HMBOX1: variants seen among roughly 807,000 people sequenced by gnomAD.
HMBOX1 encodes homeobox containing 1.
HMBOX1 carries 14 observed loss-of-function variants against 54.5 expected under a neutral mutation model. The observed-to-expected ratio is 0.26, with a 90% CI of 0.17 to 0.40. The LOEUF is 0.40. Ranked by LOEUF, HMBOX1 falls within the 10% of genes least tolerant of loss-of-function variation. The pLI, the probability that HMBOX1 is intolerant of heterozygous loss-of-function variation, is 1.00. For synonymous variants in HMBOX1, 160 were observed against 181.0 expected (o/e 0.88, Z 0.93); for missense variants, 332 against 514.4 (o/e 0.65, Z 3.43).
intron 1 of HMBOX1, among the ~76,000 whole-genome samples, chr8:28,915,173 A>G (rs890660283): frequency 6.6e-6 from 1 of 152,198 alleles, no homozygotes; most frequent in Non-Finnish European, 1.5e-5. Flanking sequence ...TCCAATAGGA[A>G]TATAATGCCT....
rs181430558 is a variant in HMBOX1 at position 28,981,121 on chromosome 8, G to A, written c.586+965G>A. 2.0e-3 allele frequency among the ~76,000 whole-genome samples: 301 copies of A among 152,230 alleles called. 3 individuals carry two copies. The highest frequency in any genetic ancestry group is 3.4e-3 in the Middle Eastern group (1 of 294). On this transcript the variant is annotated intron_variant, in intron 4 of 9. Coordinates refer to ENST00000287701, the MANE Select transcript of HMBOX1 (RefSeq NM_001135726.3). ...ATACTGAAGCTAATTTACCTAAAAG[G>A]TTGTTACTGGCCATTAATTTGGTTA...
At chr8:28,971,008 A>G (rs889629308) in intron 3 of HMBOX1, among the ~76,000 whole-genome samples, 2 of 150,678 alleles carry the variant, frequency 1.3e-5, no homozygotes, top group African/African-American at 4.9e-5. Flanking sequence ...ACACACACAC[A>G]CACACACACA....
Position 28,934,968 on chromosome 8 carries a change from C to T in HMBOX1, c.-57-28843C>T, listed in dbSNP as rs116177107. 3.3e-3 allele frequency among the ~76,000 whole-genome samples: 492 copies of T among 151,026 alleles called. 7 individuals are homozygous for T. Among genetic ancestry groups the T allele is most frequent in the African/African-American group, 0.011 (459 of 41,216 alleles). On this transcript the variant is annotated intron_variant, in intron 1 of 9. Coordinates refer to ENST00000287701, the MANE Select transcript of HMBOX1 (RefSeq NM_001135726.3). Reference sequence around the variant, plus strand: ...ATCATAAATCATTTTTAGTTCTGTACACCGTTATATTAGAAATGAACAACT... The same window carrying T: ...ATCATAAATCATTTTTAGTTCTGTATACCGTTATATTAGAAATGAACAACT...
Position 29,051,123 on chromosome 8 carries a change from G to A in HMBOX1, c.1231G>A (p.Glu411Lys), listed in dbSNP as rs141568231. The change falls in exon 10 of 10, where the codon GAA (glutamate) becomes AAA (lysine). Residue 411 changes from glutamate to lysine, a missense_variant. Glu to Lys is a moderately conservative substitution (Grantham distance 56, BLOSUM62 1). Coordinates refer to ENST00000287701, the MANE Select transcript of HMBOX1 (RefSeq NM_001135726.3). ...ILALARQGAN[E>K]IKTEALDDD ...GGCATTGGCCCGACAAGGAGCCAAC[G>A]AAATCAAGACAGAGGCCCTGGATGA... The A allele has an allele frequency of 1.7e-5, 27 of 1,613,776 alleles. No individual in the cohort carries two copies. Among genetic ancestry groups the A allele is most frequent in the Non-Finnish European group, 2.1e-5 (25 of 1,180,008 alleles).
chr8:29,045,251 A>G, intron 6 of HMBOX1, 110 bp from the exon 7 acceptor site: 1 of 822,642 alleles, frequency 1.2e-6, no homozygotes, highest in East Asian at 2.5e-5. Context: ...GCCTGGACCT[A>G]GACACTTGAG....
At chr8:28,992,841 G>A (rs1831190953) in intron 4 of HMBOX1, among the ~76,000 whole-genome samples, 1 of 118,250 alleles carries the variant, frequency 8.5e-6, no homozygotes, top group South Asian at 3.0e-4. Context: ...TTGCACTCCA[G>A]CCTGGGTGAC....
chr8:29,025,605 CTG>C (rs1801897593), intron 6 of HMBOX1, among the ~76,000 whole-genome samples: 1 of 152,170 alleles, frequency 6.6e-6, no homozygotes, highest in Admixed American at 6.5e-5. Context: ...AATGCTTTGA[CTG>C]TGAAGTCACC....
intron 4 of HMBOX1, among the ~76,000 whole-genome samples, chr8:28,996,280 CT>C (rs200437904): frequency 0.19 from 28,830 of 151,932 alleles, 3,077 homozygotes; most frequent in South Asian, 0.3. Flanking sequence ...AAGTTGAATT[CT>C]TTATATAAGT....
chr8:29,001,976 A>T (rs2132729649), intron 4 of HMBOX1, among the ~76,000 whole-genome samples: 1 of 152,316 alleles, frequency 6.6e-6, no homozygotes, highest in South Asian at 2.1e-4. Context: ...GGGGAACTAG[A>T]GTGTAAGGAT....
chr8:29,050,229 T>C, intron 9 of HMBOX1: 1 of 984,964 alleles, frequency 1.0e-6, no homozygotes, highest in Non-Finnish European at 1.2e-6. Flanking sequence ...AGCTCTTTGA[T>C]ACGGAGTTCC....
At chr8:28,994,126 T>C (rs1004176827) in intron 4 of HMBOX1, among the ~76,000 whole-genome samples, 15 of 144,954 alleles carry the variant, frequency 1.0e-4, no homozygotes, top group African/African-American at 3.3e-4. Flanking sequence ...AAGATTGCGC[T>C]ACTGCAATCC....
chr8:29,041,815 G>GT (rs1804865325), intron 6 of HMBOX1, among the ~76,000 whole-genome samples: 2 of 152,006 alleles, frequency 1.3e-5, no homozygotes, highest in African/African-American at 4.8e-5. Context: ...TGTAGAGGTT[G>GT]TTTGCGGGGG....
intron 6 of HMBOX1, among the ~76,000 whole-genome samples, chr8:29,037,909 G>C (rs1454894659): frequency 6.6e-6 from 1 of 152,190 alleles, no homozygotes; most frequent in Admixed American, 6.5e-5. Flanking sequence ...TTTACTTGGT[G>C]ATGAAGAAAT....
intron 5 of HMBOX1, among the ~76,000 whole-genome samples, chr8:29,016,242 T>C (rs1834974914): frequency 6.6e-6 from 1 of 152,204 alleles, no homozygotes; most frequent in Non-Finnish European, 1.5e-5. Context: ...TAGCAATTGC[T>C]ATGATTTCTC....
intron 6 of HMBOX1, among the ~76,000 whole-genome samples, chr8:29,020,667 A>G (rs928655967): frequency 6.6e-6 from 1 of 152,230 alleles, no homozygotes; most frequent in African/African-American, 2.4e-5. Flanking sequence ...AATAGTTGCA[A>G]AAGCACAGAA....
At chr8:29,010,466 A>C (rs1586460420) in intron 5 of HMBOX1, among the ~76,000 whole-genome samples, 2 of 152,064 alleles carry the variant, frequency 1.3e-5, no homozygotes, top group Admixed American at 1.3e-4. Context: ...TAAGGCAGAG[A>C]AATTGCTTTA....
chr8:28,922,873 T>C (rs1227858930), intron 1 of HMBOX1, among the ~76,000 whole-genome samples: 1 of 152,172 alleles, frequency 6.6e-6, no homozygotes, highest in Non-Finnish European at 1.5e-5. Flanking sequence ...ATAATAATAA[T>C]TTATTGTGAT....
intron 1 of HMBOX1, among the ~76,000 whole-genome samples, chr8:28,962,480 G>A (rs1384897604): frequency 1.4e-5 from 2 of 141,270 alleles, no homozygotes; most frequent in African/African-American, 5.3e-5. Flanking sequence ...CATGCTACAT[G>A]TAAACGTGCT....
chr8:28,963,231 G>A (rs554748031), intron 1 of HMBOX1, among the ~76,000 whole-genome samples: 16 of 152,252 alleles, frequency 1.1e-4, no homozygotes, highest in African/African-American at 3.4e-4. Flanking sequence ...TGATCCACCC[G>A]CCTCAGCCTC....
Sources: gnomAD v4.1 joint callset for allele counts (sites outside exome capture counted in the v4.1 genomes callset) on GRCh38, gnomAD v4.1.1 for gene constraint, MANE v1.5 for transcripts, NCBI Gene and HGNC (gene_info 2026-07-23, HGNC 2026-07-21) for gene names.